The following USP8 variants were observed in gnomAD, a reference collection of about 807,000 sequenced individuals.
The protein encoded by USP8 is ubiquitin specific peptidase 8.
A neutral mutation model predicts 130.0 loss-of-function variants in USP8; 27 were observed. That is an observed-to-expected ratio of 0.21 (90% confidence interval 0.15 to 0.29). The LOEUF (loss-of-function observed/expected upper bound fraction) is 0.29, where lower values mean the gene tolerates loss of function less well. Among genes scored for constraint, USP8 ranks in the 10% least tolerant of loss-of-function variants. The pLI, the probability that USP8 is intolerant of heterozygous loss-of-function variation, is 1.00. For missense variants in USP8, 1,029 were observed against 1,312.2 expected (o/e 0.78, Z 3.33); for synonymous variants, 392 against 444.1 (o/e 0.88, Z 1.48).
chr15:50,441,977 T>A (rs2050276347), intron 3 of USP8, among the ~76,000 whole-genome samples: 1 of 143,822 alleles, frequency 7.0e-6, no homozygotes, highest in Admixed American at 6.9e-5. Context: ...ATCTTTTTTT[T>A]TTTTTTTTTT....
chr15:50,498,055 C>T (rs974098233), intron 18 of USP8, among the ~76,000 whole-genome samples: 1 of 152,090 alleles, frequency 6.6e-6, no homozygotes, highest in Non-Finnish European at 1.5e-5. Flanking sequence ...TACACATTTG[C>T]TAAAATTTTT....
At chr15:50,494,461 GTAT>G (rs887658261) in intron 16 of USP8, among the ~76,000 whole-genome samples, 181 bp downstream of exon 16, 1 of 152,120 alleles carries the variant, frequency 6.6e-6, no homozygotes, top group African/African-American at 2.4e-5. Context: ...TATACAGTTG[GTAT>G]TTACTAATTA....
intron 4 of USP8, among the ~76,000 whole-genome samples, chr15:50,458,237 C>T (rs1011045629): frequency 3.9e-5 from 6 of 152,232 alleles, no homozygotes; most frequent in East Asian, 1.9e-4. Flanking sequence ...CTGCATCCTC[C>T]GCCTTCCCAG....
chr15:50,478,812 T>C (rs563282819), intron 10 of USP8, among the ~76,000 whole-genome samples: 1 of 152,156 alleles, frequency 6.6e-6, no homozygotes, highest in Admixed American at 6.5e-5. Flanking sequence ...CCCAACACTT[T>C]AGGAGGCGGA....
intron 15 of USP8, 87 bp downstream of exon 15, chr15:50,493,000 C>G: frequency 7.7e-7 from 1 of 1,304,758 alleles, no homozygotes; most frequent in Non-Finnish European, 1.1e-6. Flanking sequence ...TTTTCTGCTG[C>G]TATAACAAAA....
chr15:50,439,224 T>C, intron 2 of USP8, 47 bp downstream of exon 2: 1 of 1,220,214 alleles, frequency 8.2e-7, no homozygotes, highest in African/African-American at 1.6e-5. Flanking sequence ...TATTAATTTT[T>C]AGTTCGTTTC....
In USP8 at chr15:50,500,061, C is replaced by CTA. The variant is rs1190137336; in HGVS notation, c.*982_*983dup. On this transcript the variant is annotated 3_prime_UTR_variant, in exon 20 of 20. Transcript: ENST00000307179. ...TTTATTTAACCGAGGGACTCAGTTG[C>CTA]TATATATATAGTCAGTAAAACACTC... is the stretch of plus-strand genomic sequence containing the variant. The CTA allele has an allele frequency of 3.9e-5, 6 of 152,062 alleles. No individual in the cohort carries two copies. The highest frequency in any genetic ancestry group is 4.2e-4 in the South Asian group (2 of 4,812). The allele number at this position is 152,062 out of a possible 1,614,324, so 9.4% of individuals were successfully genotyped here.
chr15:50,465,159 T>G lies in USP8; in HGVS notation c.654T>G (p.Ser218=). 1 of 1,613,952 alleles carries G rather than the reference T, an allele frequency of 6.2e-7. No homozygotes were observed. Among genetic ancestry groups the G allele is most frequent in the Non-Finnish European group, 8.5e-7 (1 of 1,179,866 alleles). ...ATCAGGATTCCTGTATTTTACATTC[T>G]CTCAGTGTTCCTGAAGAAGCCATCA... ...QDYQDSCILH[S]LSVPEEAISP... is the part of the protein sequence containing the mutation. Residue 218 remains serine, a synonymous_variant, in exon 7 of 20, where the codon TCT becomes TCG. Coordinates refer to ENST00000307179, the MANE Select transcript of USP8 (RefSeq NM_005154.5).
chr15:50,450,018 C>T (rs1219364860), intron 4 of USP8, among the ~76,000 whole-genome samples: 6 of 150,378 alleles, frequency 4.0e-5, no homozygotes, highest in Non-Finnish European at 7.4e-5. Context: ...CTCAGCCTCC[C>T]GAGTAGCTGG....
chr15:50,497,312 C>G, intron 18 of USP8, 81 bp downstream of exon 18: 1 of 1,495,492 alleles, frequency 6.7e-7, no homozygotes, highest in Non-Finnish European at 8.9e-7. Context: ...ACTTGTTGTA[C>G]TGCCTGCCAT....
intron 7 of USP8, among the ~76,000 whole-genome samples, chr15:50,465,611 A>G (rs1470607356): frequency 6.6e-6 from 1 of 152,206 alleles, no homozygotes; most frequent in Non-Finnish European, 1.5e-5. Context: ...CTCTCTCCCC[A>G]GATGTTTGTT....
At position 50,500,076 on chromosome 15, in the gene USP8, G is replaced by A. The variant is rs917057211; in HGVS notation, c.*988G>A. On this transcript the variant is annotated 3_prime_UTR_variant, in exon 20 of 20. Coordinates refer to ENST00000307179, the MANE Select transcript of USP8 (RefSeq NM_005154.5). Reference sequence around the variant, plus strand: ...GACTCAGTTGCTATATATATAGTCAGTAAAACACTCCATATAAAAATAAGA... The same window carrying A: ...GACTCAGTTGCTATATATATAGTCAATAAAACACTCCATATAAAAATAAGA... 1 of 152,164 alleles carries A rather than the reference G, an allele frequency of 6.6e-6. No individual in the cohort carries two copies. The highest frequency in any genetic ancestry group is 1.5e-5 in the Non-Finnish European group (1 of 68,042). The allele number at this position is 152,164 out of a possible 1,614,324, so 9.4% of individuals were successfully genotyped here.
chr15:50,481,455 G>A (rs1223540449), intron 10 of USP8, 26 bp from the exon 11 acceptor site: 1 of 1,471,876 alleles, frequency 6.8e-7, no homozygotes, highest in Non-Finnish European at 9.0e-7. Flanking sequence ...TGACAAAAAT[G>A]TTTTGCTCTG....
intron 3 of USP8, among the ~76,000 whole-genome samples, chr15:50,443,294 C>T (rs964468374): frequency 3.3e-5 from 5 of 152,034 alleles, no homozygotes. Flanking sequence ...CCCTCTCGTT[C>T]TCCCAAAGTG....
chr15:50,487,382 G>A (rs28449835), intron 12 of USP8, among the ~76,000 whole-genome samples: 1 of 137,204 alleles, frequency 7.3e-6, no homozygotes, highest in South Asian at 2.4e-4. Context: ...GAGAGAGAGA[G>A]ACACACACAC....
chr15:50,495,835 AT>A lies in USP8; in HGVS notation c.2659-9del. On this transcript the variant is annotated splice_polypyrimidine_tract_variant and intron_variant, in intron 16 of 19. Transcript: ENST00000307179. Reference sequence around the variant, plus strand: ...GAGATATTAATATAGAGCTTAAATCATTTTATTTCCAGGCTGATAATCGGAA... The same window carrying A: ...GAGATATTAATATAGAGCTTAAATCATTTATTTCCAGGCTGATAATCGGAA... The A allele has an allele frequency of 1.3e-6, 2 of 1,593,626 alleles. No homozygotes were observed. Among genetic ancestry groups the A allele is most frequent in the Non-Finnish European group, 1.7e-6 (2 of 1,164,670 alleles).
At chr15:50,444,416 T>C (rs2050360922) in intron 3 of USP8, among the ~76,000 whole-genome samples, 1 of 151,928 alleles carries the variant, frequency 6.6e-6, no homozygotes, top group African/African-American at 2.4e-5. Context: ...GTTTTTTTTT[T>C]TTAATGGTCT....
intron 1 of USP8, chr15:50,432,403 C>T (rs1263115629): frequency 6.6e-6 from 1 of 152,264 alleles, no homozygotes; most frequent in East Asian, 1.9e-4. Flanking sequence ...CCTCCCACCT[C>T]AGTCTCCCAG....
chr15:50,477,210 G>A, intron 9 of USP8, 66 bp from the exon 10 acceptor site: 1 of 1,424,202 alleles, frequency 7.0e-7, no homozygotes, highest in Non-Finnish European at 9.5e-7. Context: ...TAACACGCAT[G>A]AGAAATGTAA....
Sources: gnomAD v4.1 joint callset for allele counts (sites outside exome capture counted in the v4.1 genomes callset) on GRCh38, gnomAD v4.1.1 for gene constraint, MANE v1.5 for transcripts, NCBI Gene and HGNC (gene_info 2026-07-23, HGNC 2026-07-21) for gene names.